PCSK2: variants seen among roughly 807,000 people sequenced by gnomAD.
PCSK2 encodes neuroendocrine convertase 2.
PCSK2 carries 14 observed loss-of-function variants against 69.7 expected under a neutral mutation model. The ratio of observed to expected loss-of-function variants is 0.20; its 90% CI spans 0.13 to 0.31. The LOEUF is 0.31. Among genes scored for constraint, PCSK2 ranks in the 10% least tolerant of loss-of-function variants. The probability of loss-of-function intolerance (pLI) is 1.00; values close to 1 mark genes in which losing one functional copy is unlikely to be tolerated. For missense variants in PCSK2, 544 were observed against 842.5 expected (o/e 0.65, Z 4.39); for synonymous variants, 307 against 320.7 (o/e 0.96, Z 0.46).
intron 2 of PCSK2, among the ~76,000 whole-genome samples, chr20:17,339,889 G>A (rs184454384): frequency 3.5e-3 from 528 of 152,272 alleles, no homozygotes; most frequent in Admixed American, 5.1e-3. Flanking sequence ...GTGAACACTA[G>A]CAATGGACAT....
intron 8 of PCSK2, among the ~76,000 whole-genome samples, chr20:17,448,270 A>G (rs1057257871): frequency 3.9e-5 from 6 of 152,170 alleles, no homozygotes; most frequent in Non-Finnish European, 5.9e-5. Context: ...CCCATTGGTT[A>G]GGGTGGAGGG....
At chr20:17,448,145 T>TA (rs1360981991) in intron 8 of PCSK2, among the ~76,000 whole-genome samples, 1 of 152,234 alleles carries the variant, frequency 6.6e-6, no homozygotes, top group African/African-American at 2.4e-5. Context: ...TAAAAATTAC[T>TA]ATAATTGTTT....
Position 17,456,482 on chromosome 20 carries a change from T to C in PCSK2, c.1202+34T>C, listed in dbSNP as rs1032816170. 3 of 1,186,756 alleles carry C rather than the reference T, an allele frequency of 2.5e-6. No homozygotes were observed. The African/African-American group carries it at 4.5e-5, about 18-fold the overall frequency. 73.5% of individuals were successfully genotyped at this position (1,186,756 alleles called of 1,614,324 possible). Reference sequence around the variant, plus strand: ...ATAGCTCTGGGTCCAGGGCCAGCTCTGCAGGGTGGACTAACACGTGTCTCT... The same window carrying C: ...ATAGCTCTGGGTCCAGGGCCAGCTCCGCAGGGTGGACTAACACGTGTCTCT... On this transcript the variant is annotated intron_variant, in intron 10 of 11. Transcript: ENST00000262545.
intron 11 of PCSK2, among the ~76,000 whole-genome samples, chr20:17,477,329 T>TTTTATTTTA (rs1555798732): frequency 2.1e-4 from 31 of 150,510 alleles, no homozygotes; most frequent in African/African-American, 5.4e-4. Flanking sequence ...TTTTATTTTA[T>TTTTATTTTA]TTTATTTATT....
rs1181496396 is a variant in PCSK2, at chr20:17,481,896, G to A, written c.1743G>A (p.Lys581=). The change falls in exon 12 of 12, where the codon AAG becomes AAA. Residue 581 remains lysine (K), a synonymous_variant. Transcript: ENST00000262545. The part of the protein sequence containing the change: ...ELGFVGSAPQ[K]GVLKEWTLML... ...GATTTGTCGGCAGCGCCCCGCAGAAGGGGGTGCTGAAGGAGTGGACCCTGA... is the reference window on the plus strand; with the variant it reads ...GATTTGTCGGCAGCGCCCCGCAGAAAGGGGTGCTGAAGGAGTGGACCCTGA... The A allele has an allele frequency of 3.7e-6, 6 of 1,613,978 alleles. No individual in the cohort carries two copies. The highest frequency in any genetic ancestry group is 3.3e-5 in the South Asian group (3 of 91,082).
chr20:17,446,475 C>T (rs1450741337), intron 8 of PCSK2, among the ~76,000 whole-genome samples: 3 of 152,130 alleles, frequency 2.0e-5, no homozygotes, highest in Non-Finnish European at 4.4e-5. Flanking sequence ...ATTAAAATGG[C>T]TTATAAGACC....
chr20:17,282,086 G>T (rs1287119005), intron 2 of PCSK2, among the ~76,000 whole-genome samples: 1 of 152,094 alleles, frequency 6.6e-6, no homozygotes, highest in Non-Finnish European at 1.5e-5. Context: ...CATGGTGTAT[G>T]CTCCACTGGG....
chr20:17,480,184 CTTTTTT>C (rs1164266992), intron 11 of PCSK2, among the ~76,000 whole-genome samples: 1 of 76,982 alleles, frequency 1.3e-5, no homozygotes, highest in African/African-American at 5.9e-5. Context: ...TTCAGCTTTT[CTTTTTT>C]TTTTTTTTTT....
At chr20:17,454,861 C>T (rs1017603682) in intron 9 of PCSK2, among the ~76,000 whole-genome samples, 2 of 152,206 alleles carry the variant, frequency 1.3e-5, no homozygotes, top group African/African-American at 2.4e-5. Flanking sequence ...GGGATCCCAA[C>T]TTGGCAAGAT....
intron 2 of PCSK2, among the ~76,000 whole-genome samples, chr20:17,310,252 C>G (rs765413606): frequency 6.6e-6 from 1 of 152,126 alleles, no homozygotes; most frequent in African/African-American, 2.4e-5. Context: ...TTGCTGATAC[C>G]TAATTGGCTT....
At chr20:17,356,197 G>C (rs2030191298) in intron 2 of PCSK2, among the ~76,000 whole-genome samples, 1 of 151,732 alleles carries the variant, frequency 6.6e-6, no homozygotes, top group African/African-American at 2.4e-5. Flanking sequence ...ATCTCCATTT[G>C]ATGGGCACTA....
chr20:17,418,530 G>A (rs939595168), intron 6 of PCSK2, among the ~76,000 whole-genome samples: 1 of 152,162 alleles, frequency 6.6e-6, no homozygotes, highest in Admixed American at 6.5e-5. Context: ...AGCATAAAAG[G>A]GTTGAAAAAG....
At chr20:17,303,128 T>G (rs548116350) in intron 2 of PCSK2, among the ~76,000 whole-genome samples, 70 of 148,744 alleles carry the variant, frequency 4.7e-4, no homozygotes, top group Non-Finnish European at 7.3e-4. Flanking sequence ...TTGTTCAATC[T>G]CTTGCCAGGC....
chr20:17,360,754 G>A (rs2030364602), intron 4 of PCSK2, 114 bp downstream of exon 4: 3 of 668,946 alleles, frequency 4.5e-6, no homozygotes, highest in Non-Finnish European at 8.2e-6. Context: ...GCAAGATACT[G>A]GGCATGATGG....
chr20:17,316,283 G>T (rs1989686577), intron 2 of PCSK2, among the ~76,000 whole-genome samples: 2 of 152,172 alleles, frequency 1.3e-5, no homozygotes, highest in African/African-American at 4.8e-5. Flanking sequence ...CCCAGGGTTG[G>T]CTGATATAAG....
intron 2 of PCSK2, among the ~76,000 whole-genome samples, chr20:17,349,607 G>A (rs888418900): frequency 6.6e-6 from 1 of 151,878 alleles, no homozygotes; most frequent in Non-Finnish European, 1.5e-5. Context: ...CCATATGGAT[G>A]CGTCCTCAAG....
chr20:17,241,065 G>A (rs975049692), intron 1 of PCSK2, among the ~76,000 whole-genome samples: 2 of 152,160 alleles, frequency 1.3e-5, no homozygotes, highest in South Asian at 2.1e-4. Context: ...AAATGGGAGT[G>A]CTCCATGTAA....
At chr20:17,307,976 C>G (rs1003570764) in intron 2 of PCSK2, among the ~76,000 whole-genome samples, 2 of 152,136 alleles carry the variant, frequency 1.3e-5, no homozygotes, top group African/African-American at 4.8e-5. Flanking sequence ...AAAAGGAGAG[C>G]AGGCATCTTC....
chr20:17,421,942 A>G (rs907954502), intron 6 of PCSK2, among the ~76,000 whole-genome samples: 5 of 152,100 alleles, frequency 3.3e-5, no homozygotes, highest in African/African-American at 9.7e-5. Flanking sequence ...ATTAATTTGT[A>G]CTATATGAAA....
Sources: allele counts gnomAD v4.1 joint callset (sites outside exome capture counted in the v4.1 genomes callset), GRCh38; gene constraint gnomAD v4.1.1; transcripts MANE v1.5; gene names NCBI Gene and HGNC (gene_info 2026-07-23, HGNC 2026-07-21).